The following SLC20A1 variants were observed in gnomAD, a reference collection of about 807,000 sequenced individuals.
SLC20A1 encodes the protein sodium-dependent phosphate transporter 1.
SLC20A1 carries 28 observed loss-of-function variants against 62.7 expected under a neutral mutation model. The ratio of observed to expected loss-of-function variants is 0.45; its 90% confidence interval spans 0.33 to 0.61. The LOEUF is 0.61. SLC20A1 is among the 20% of genes least tolerant of loss of function. SLC20A1 has a pLI of 0.02. For missense variants in SLC20A1, 673 were observed against 838.6 expected (o/e 0.80, Z 2.44); for synonymous variants, 305 against 302.9 (o/e 1.01, Z -0.07).
At chr2:112,655,407 G>C (rs909795525) in intron 5 of SLC20A1, among the ~76,000 whole-genome samples, 1 of 151,766 alleles carries the variant, frequency 6.6e-6, no homozygotes, top group South Asian at 2.1e-4. Flanking sequence ...TAACCTCATT[G>C]TAAGTTGAGG....
chr2:112,658,326 A>G (rs961940155), intron 6 of SLC20A1: 5 of 152,968 alleles, frequency 3.3e-5, no homozygotes, highest in African/African-American at 1.2e-4. Context: ...GGTGGAAATT[A>G]AAGTTGTCGT....
intron 10 of SLC20A1, 86 bp from the exon 11 acceptor site, chr2:112,662,778 C>T: frequency 1.4e-6 from 2 of 1,400,800 alleles, no homozygotes; most frequent in Non-Finnish European, 2.0e-6. Flanking sequence ...GTCTGGGGCT[C>T]CTTGTCCAAA....
intron 5 of SLC20A1, chr2:112,653,416 A>C (rs1023287368): frequency 1.8e-5 from 3 of 163,378 alleles, no homozygotes; most frequent in Non-Finnish European, 2.7e-5. Flanking sequence ...CTACAAGTTT[A>C]ATTTAGCAAC....
In SLC20A1 at chr2:112,653,918, A is replaced by G. The variant is rs150114726; in HGVS notation, c.658+1120A>G. ...AGCAATTCTCCTGCTTCAGCCTCCC[A>G]AGTAACTGGGATTACAGGCGTGCAC... is the stretch of plus-strand genomic sequence containing the variant. On this transcript the variant is annotated intron_variant, in intron 5 of 10. Transcript: ENST00000272542. Among the ~76,000 whole-genome samples the G allele has an allele frequency of 5.4e-3, 820 of 152,106 alleles. 4 individuals are homozygous for G. The highest frequency in any genetic ancestry group is 0.044 in the Middle Eastern group (13 of 294).
In SLC20A1 at chr2:112,659,466, A is replaced by C; in HGVS notation, c.1311A>C (p.Glu437Asp). The part of the protein sequence containing the change: ...GMPLDSFRAK[E>D]GEQKGEEMEK... ...CTCTGGATTCATTCCGTGCCAAAGA[A>C]GGTGAACAGAAGGGCGAAGAAATGG... The change falls in exon 8 of 11, where the codon GAA (glutamate) becomes GAC (aspartate). Residue 437 changes from glutamate to aspartate, a missense_variant. Glu to Asp is a conservative substitution (Grantham distance 45). Transcript: ENST00000272542. 6.2e-7 allele frequency: 1 copy of C among 1,614,264 alleles called. No individual in the cohort carries two copies. Among genetic ancestry groups the C allele is most frequent in the Non-Finnish European group, 8.5e-7 (1 of 1,180,048 alleles).
intron 4 of SLC20A1, among the ~76,000 whole-genome samples, chr2:112,651,515 T>C (rs1247065548): frequency 6.6e-6 from 1 of 152,120 alleles, no homozygotes; most frequent in African/African-American, 2.4e-5. Flanking sequence ...GTGATTCTCC[T>C]GAGTCAGCCT....
At chr2:112,647,550 T>C in intron 3 of SLC20A1, 86 bp downstream of exon 3, 3 of 1,582,828 alleles carry the variant, frequency 1.9e-6, no homozygotes, top group Non-Finnish European at 2.6e-6. Context: ...TGTTCTAACG[T>C]CGAGGGACAG....
chr2:112,654,138 A>G (rs141573165), intron 5 of SLC20A1, among the ~76,000 whole-genome samples: 1 of 152,294 alleles, frequency 6.6e-6, no homozygotes, highest in East Asian at 1.9e-4. Context: ...TTATATGTGT[A>G]TTTTGTTAGA....
At position 112,659,465 on chromosome 2, in the gene SLC20A1, A is replaced by C; in HGVS notation, c.1310A>C (p.Glu437Ala). 4 of 1,614,240 alleles carry C rather than the reference A, an allele frequency of 2.5e-6. No homozygotes were observed. Among genetic ancestry groups the C allele is most frequent in the Non-Finnish European group, 3.4e-6 (4 of 1,180,042 alleles). ...GMPLDSFRAK[E>A]GEQKGEEMEK... ...CCTCTGGATTCATTCCGTGCCAAAG[A>C]AGGTGAACAGAAGGGCGAAGAAATG... Residue 437 changes from glutamate (E) to alanine (A), a missense_variant, in exon 8 of 11, where the codon GAA becomes GCA. Transcript: ENST00000272542.
Position 112,648,275 on chromosome 2 carries a change from C to CA in SLC20A1, c.561+537_561+538insA, listed in dbSNP as rs1401554125. Among the ~76,000 whole-genome samples, 7 of 152,106 alleles carry CA rather than the reference C, an allele frequency of 4.6e-5. No individual in the cohort carries two copies. The East Asian group carries it at 1.4e-3, about 29-fold the overall frequency. Reference sequence around the variant, plus strand: ...TTAAAGGTAGTTTTTGGCCCGCCCCCCAAAAAAACTTCAGGCAGCCATTTA... The same window carrying CA: ...TTAAAGGTAGTTTTTGGCCCGCCCCCACAAAAAAACTTCAGGCAGCCATTTA... On this transcript the variant is annotated intron_variant, in intron 4 of 10. Transcript: ENST00000272542.
At chr2:112,658,745 T>TG in intron 6 of SLC20A1, 80 bp from the exon 7 acceptor site, 5 of 1,448,802 alleles carry the variant, frequency 3.5e-6, no homozygotes, top group Non-Finnish European at 4.6e-6. Context: ...ATGAGTTTTT[T>TG]GGGGGTGGAG....
intron 5 of SLC20A1, among the ~76,000 whole-genome samples, chr2:112,653,798 T>G (rs966113574): frequency 6.6e-6 from 1 of 152,284 alleles, no homozygotes; most frequent in East Asian, 1.9e-4. Flanking sequence ...TTTTTATTAT[T>G]TATTTATTTT....
intron 5 of SLC20A1, among the ~76,000 whole-genome samples, chr2:112,655,183 G>T (rs1392334183): frequency 6.6e-6 from 1 of 151,894 alleles, no homozygotes; most frequent in African/African-American, 2.4e-5. Context: ...TGGTCAGTCT[G>T]GTCTTGAACT....
intron 10 of SLC20A1, among the ~76,000 whole-genome samples, chr2:112,662,185 C>T (rs975866561): frequency 6.6e-6 from 1 of 152,224 alleles, no homozygotes; most frequent in Non-Finnish European, 1.5e-5. Context: ...GCTGAGTCAT[C>T]TGTTTGCTAC....
At chr2:112,650,879 C>T (rs1311006250) in intron 4 of SLC20A1, among the ~76,000 whole-genome samples, 2 of 152,160 alleles carry the variant, frequency 1.3e-5, no homozygotes, top group African/African-American at 4.8e-5. Context: ...GCCTCATCCT[C>T]CCAAAGTGCT....
At chr2:112,661,362 G>C (rs35056357) in intron 10 of SLC20A1, 136 bp downstream of exon 10, 64,789 of 590,468 alleles carry the variant, frequency 0.11, 4,385 homozygotes, top group Non-Finnish European at 0.14. Context: ...TATTTCTTGT[G>C]TTTATTCTTA....
intron 4 of SLC20A1, among the ~76,000 whole-genome samples, chr2:112,650,557 C>T (rs932302402): frequency 1.3e-5 from 2 of 151,860 alleles, no homozygotes; most frequent in East Asian, 1.9e-4. Flanking sequence ...TCTTGAACTC[C>T]TGACCTCAGG....
chr2:112,660,218 C>A (rs1258156103), intron 8 of SLC20A1, among the ~76,000 whole-genome samples, 169 bp from the exon 9 acceptor site: 1 of 152,204 alleles, frequency 6.6e-6, no homozygotes, highest in African/African-American at 2.4e-5. Flanking sequence ...GTTCATTTTT[C>A]TGTTGTGTAT....
At chr2:112,657,645 T>C (rs529650756) in intron 6 of SLC20A1, among the ~76,000 whole-genome samples, 250 of 152,304 alleles carry the variant, frequency 1.6e-3, no homozygotes, top group Non-Finnish European at 2.8e-3. Flanking sequence ...AGAGGAAATA[T>C]TTACCCCAAC....
Sources: allele counts gnomAD v4.1 joint callset (sites outside exome capture counted in the v4.1 genomes callset), GRCh38; gene constraint gnomAD v4.1.1; transcripts MANE v1.5; gene names NCBI Gene and HGNC (gene_info 2026-07-23, HGNC 2026-07-21).